PPP2R2D: variants seen among roughly 807,000 people sequenced by gnomAD.
PPP2R2D encodes the protein protein phosphatase 2 regulatory subunit Bdelta, also known as serine/threonine-protein phosphatase 2A 55 kDa regulatory subunit B delta isoform.
A neutral mutation model predicts 31.1 loss-of-function variants in PPP2R2D; 9 were observed. The observed-to-expected ratio is 0.29, with a 90% CI of 0.17 to 0.51. PPP2R2D has a LOEUF of 0.51. Ranked by LOEUF, PPP2R2D falls within the 20% of genes least tolerant of loss-of-function variation. PPP2R2D has a pLI of 0.98. For synonymous variants in PPP2R2D, 179 were observed against 172.6 expected, an observed-to-expected ratio of 1.04 and a Z score of -0.29; for missense variants, 391 against 465.6, an observed-to-expected ratio of 0.84 and a Z score of 1.48.
intron 5 of PPP2R2D, 109 bp from the exon 6 acceptor site, chr10:131,943,859 T>C: frequency 7.6e-6 from 5 of 656,870 alleles, no homozygotes; most frequent in Non-Finnish European, 1.1e-5. Flanking sequence ...TACAGAATTA[T>C]TACTTAGCCA....
At chr10:131,914,977 C>T (rs1236021561) in intron 2 of PPP2R2D, among the ~76,000 whole-genome samples, 5 of 152,084 alleles carry the variant, frequency 3.3e-5, no homozygotes, top group Admixed American at 2.6e-4. Context: ...TCTCCGTGCA[C>T]CCCTAATAGT....
At chr10:131,904,584 T>G (rs2035553512) in intron 2 of PPP2R2D, among the ~76,000 whole-genome samples, 1 of 152,138 alleles carries the variant, frequency 6.6e-6, no homozygotes, top group Non-Finnish European at 1.5e-5. Context: ...GAACTTAAGG[T>G]ATAGCAGATT....
the PPP2R2D span, chr10:131,967,739 G>A: frequency 1.3e-5 from 2 of 152,512 alleles, no homozygotes; most frequent in Non-Finnish European, 2.9e-5. Flanking sequence ...TTTTAAAGTA[G>A]ACACAGATTT....
chr10:131,928,651 C>G lies in PPP2R2D; in HGVS notation c.101-5807C>G, dbSNP rs372974348. Reference sequence around the variant, plus strand: ...GAACCCCTTGAAGGCTGCGGCAACCCTCCAGCAGAGGTGGTGGGTGCCGTG... The same window carrying G: ...GAACCCCTTGAAGGCTGCGGCAACCGTCCAGCAGAGGTGGTGGGTGCCGTG... On this transcript the variant is annotated intron_variant, in intron 2 of 8. Transcript: ENST00000455566. Among the ~76,000 whole-genome samples the G allele has an allele frequency of 8.8e-4, 134 of 152,334 alleles. 2 individuals carry two copies. In the South Asian group the frequency reaches 0.028, roughly 31 times the overall value.
downstream of PPP2R2D, among the ~76,000 whole-genome samples, chr10:131,960,744 TA>T (rs1172378879): frequency 6.6e-6 from 1 of 152,184 alleles, no homozygotes; most frequent in Non-Finnish European, 1.5e-5. Context: ...CGGGTGGCCT[TA>T]AGCTTGCTTT....
intron 2 of PPP2R2D, among the ~76,000 whole-genome samples, chr10:131,925,324 T>C (rs1554894768): frequency 3.3e-5 from 5 of 152,210 alleles, no homozygotes; most frequent in Non-Finnish European, 7.3e-5. Context: ...TTGCATTTTA[T>C]TCTTAGTTGG....
At chr10:131,944,258 A>G (rs4372367) in intron 6 of PPP2R2D, 113 bp downstream of exon 6, 530,577 of 802,986 alleles carry the variant, frequency 0.66, 176,607 homozygotes, top group African/African-American at 0.84. Context: ...AAATACCATC[A>G]CTGCACAGCA....
At chr10:131,905,093 G>C (rs1240622795) in intron 2 of PPP2R2D, among the ~76,000 whole-genome samples, 1 of 151,854 alleles carries the variant, frequency 6.6e-6, no homozygotes, top group Admixed American at 6.6e-5. Flanking sequence ...GGTAGGAGTA[G>C]AGCTGAGCTC....
intron 8 of PPP2R2D, among the ~76,000 whole-genome samples, chr10:131,949,504 T>C (rs550639403): frequency 6.6e-6 from 1 of 152,108 alleles, no homozygotes; most frequent in South Asian, 2.1e-4. Context: ...AGGTGAAAAT[T>C]ACCAAGCACA....
chr10:131,943,373 A>G (rs1350352041), intron 5 of PPP2R2D, among the ~76,000 whole-genome samples: 2 of 152,194 alleles, frequency 1.3e-5, no homozygotes, highest in African/African-American at 4.8e-5. Context: ...CAGATAAGAC[A>G]TCTGCCCTAT....
chr10:131,948,878 T>C (rs782505023), intron 8 of PPP2R2D, among the ~76,000 whole-genome samples: 2 of 152,184 alleles, frequency 1.3e-5, no homozygotes, highest in Non-Finnish European at 2.9e-5. Context: ...CACTGGCAGA[T>C]AGGGTCCAAA....
chr10:131,915,356 C>G (rs1230420220), intron 2 of PPP2R2D, among the ~76,000 whole-genome samples: 1 of 152,024 alleles, frequency 6.6e-6, no homozygotes, highest in Non-Finnish European at 1.5e-5. Flanking sequence ...GTACGGGAGG[C>G]TCCGTTGTTT....
intron 2 of PPP2R2D, among the ~76,000 whole-genome samples, chr10:131,920,290 C>G (rs1264083527): frequency 7.0e-6 from 1 of 142,644 alleles, no homozygotes; most frequent in Non-Finnish European, 1.5e-5. Context: ...GGACCTCACA[C>G]AGGTGGAATG....
At chr10:131,960,788 C>T (rs1286539563), downstream of PPP2R2D, among the ~76,000 whole-genome samples, 2 of 152,218 alleles carry the variant, frequency 1.3e-5, no homozygotes, top group Non-Finnish European at 2.9e-5. Context: ...CCTTGGCCAG[C>T]GGCTTTGGCA....
intron 3 of PPP2R2D, among the ~76,000 whole-genome samples, chr10:131,938,609 G>T (rs1554896774): frequency 6.6e-6 from 1 of 152,180 alleles, no homozygotes; most frequent in East Asian, 1.9e-4. Flanking sequence ...GATGGCATAT[G>T]TCTTCCCAAG....
At chr10:131,962,802 AG>A (rs1213601678), downstream of PPP2R2D, among the ~76,000 whole-genome samples, 1 of 152,202 alleles carries the variant, frequency 6.6e-6, no homozygotes, top group Non-Finnish European at 1.5e-5. Flanking sequence ...CAAGGCAGAG[AG>A]GTGGCTGCAC....
At chr10:131,914,635 G>A (rs1473144797) in intron 2 of PPP2R2D, among the ~76,000 whole-genome samples, 1 of 152,158 alleles carries the variant, frequency 6.6e-6, no homozygotes, top group Non-Finnish European at 1.5e-5. Context: ...CACACTTTGT[G>A]GAGTAAGAGT....
intron 2 of PPP2R2D, among the ~76,000 whole-genome samples, chr10:131,930,047 C>G (rs770830189): frequency 4.6e-5 from 7 of 151,914 alleles, no homozygotes; most frequent in African/African-American, 1.7e-4. Context: ...CCACTCCCCA[C>G]AAAAAAAGAG....
At chr10:131,901,666 C>T (rs1441634391) in intron 2 of PPP2R2D, among the ~76,000 whole-genome samples, 2 of 152,146 alleles carry the variant, frequency 1.3e-5, no homozygotes, top group East Asian at 1.9e-4. Flanking sequence ...CTGCCTGGGG[C>T]GGAACTGAGG....
Sources: gnomAD v4.1 joint callset for allele counts (sites outside exome capture counted in the v4.1 genomes callset) on GRCh38, gnomAD v4.1.1 for gene constraint, MANE v1.5 for transcripts, NCBI Gene and HGNC (gene_info 2026-07-23, HGNC 2026-07-21) for gene names.